FCSK: variants seen among roughly 807,000 people sequenced by gnomAD.
FCSK encodes the protein fucose kinase.
In FCSK, 123 loss-of-function variants were observed where a neutral mutation model predicts 122.5. The observed-to-expected ratio is 1.00, with a 90% CI of 0.87 to 1.17. The LOEUF (loss-of-function observed/expected upper bound fraction) is 1.17. FCSK is among the 50% of genes most tolerant of loss of function. The pLI is 0.00. For synonymous variants in FCSK, 620 were observed against 625.5 expected, an observed-to-expected ratio of 0.99 and a Z score of 0.13; for missense variants, 1,366 against 1,450.4, an observed-to-expected ratio of 0.94 and a Z score of 0.95.
rs1187803372 is a variant in FCSK at position 70,475,393 on chromosome 16, T to C, written c.2421T>C (p.His807=). ...CCTTCATCTGTGCAGGGATCGTGCATGTCCACTCGGAACTCCAGCTGAGTG... is the reference window on the plus strand; with the variant it reads ...CCTTCATCTGTGCAGGGATCGTGCACGTCCACTCGGAACTCCAGCTGAGTG... The part of the protein sequence containing the change: ...KAAFICAGIV[H]VHSELQLSEQ... Residue 807 remains histidine (H), a synonymous_variant, in exon 19 of 24, where the codon CAT becomes CAC. Coordinates refer to ENST00000288078, the MANE Select transcript of FCSK (RefSeq NM_145059.3). 2.5e-6 allele frequency: 4 copies of C among 1,610,702 alleles called. No individual in the cohort carries two copies. Among genetic ancestry groups the C allele is most frequent in the Non-Finnish European group, 3.4e-6 (4 of 1,179,822 alleles).
intron 13 of FCSK, 74 bp from the exon 14 acceptor site, chr16:70,472,467 T>G (rs889448566): frequency 2.0e-5 from 24 of 1,222,308 alleles, no homozygotes; most frequent in Admixed American, 1.3e-4. Context: ...GAGCAGCTCC[T>G]GGCCCCCTGG....
rs778338144 is a variant in FCSK at position 70,479,249 on chromosome 16, G to A, written c.2999G>A (p.Cys1000Tyr). Reference sequence around the variant, plus strand: ...CAGAAGAAGCTCATGGCTCCAGGCTGTGAGCCCCTGACTGTGCGGCGTATG... The same window carrying A: ...CAGAAGAAGCTCATGGCTCCAGGCTATGAGCCCCTGACTGTGCGGCGTATG... ...WEQKKLMAPGCEPLTVRRMMD... is the reference protein window; with the variant it reads ...WEQKKLMAPGYEPLTVRRMMD... The change falls in exon 23 of 24, where the codon TGT (cysteine) becomes TAT (tyrosine). Residue 1000 changes from cysteine (C) to tyrosine (Y), a missense_variant. By Grantham distance (194) the Cys-to-Tyr change is radical. Transcript: ENST00000288078. 3 of 1,613,930 alleles carry A rather than the reference G, an allele frequency of 1.9e-6. No homozygotes were observed. Among genetic ancestry groups the A allele is most frequent in the Non-Finnish European group, 8.5e-7 (1 of 1,180,044 alleles).
Position 70,479,627 on chromosome 16 carries a change from C to A in FCSK, c.3202C>A (p.Leu1068Met). The change falls in exon 24 of 24, where the codon CTG (leucine) becomes ATG (methionine). Residue 1068 changes from leucine to methionine, a missense_variant. Coordinates refer to ENST00000288078, the MANE Select transcript of FCSK (RefSeq NM_145059.3). ...IHLVEVDTQG[L>M]SLKLLGTEAS... is the part of the protein sequence containing the mutation. ...CCTGGTTGAAGTGGACACTCAGGGC[C>A]TGAGCCTGAAGCTGCTGGGGACCGA... The A allele has an allele frequency of 1.2e-6, 2 of 1,614,156 alleles. No individual in the cohort carries two copies. Among genetic ancestry groups the A allele is most frequent in the Non-Finnish European group, 8.5e-7 (1 of 1,180,010 alleles).
chr16:70,469,796 G>A (rs2048551480), intron 10 of FCSK, among the ~76,000 whole-genome samples: 1 of 151,558 alleles, frequency 6.6e-6, no homozygotes, highest in South Asian at 2.1e-4. Context: ...GCCTCCCGAA[G>A]TGCTGGGCTT....
intron 20 of FCSK, chr16:70,476,220 G>T (rs919272933): frequency 2.0e-5 from 3 of 152,332 alleles, no homozygotes; most frequent in African/African-American, 7.3e-5. Flanking sequence ...AGCCAGGATG[G>T]TCTCGATCTC....
chr16:70,469,992 G>A (rs1052118852), intron 10 of FCSK, among the ~76,000 whole-genome samples: 1 of 151,914 alleles, frequency 6.6e-6, no homozygotes, highest in Non-Finnish European at 1.5e-5. Context: ...TTACAGGTGC[G>A]TGGCACCATG....
chr16:70,478,201 C>A, intron 20 of FCSK, 71 bp from the exon 21 acceptor site: 1 of 1,520,216 alleles, frequency 6.6e-7, no homozygotes, highest in Non-Finnish European at 9.0e-7. Flanking sequence ...GGGTGCAGGG[C>A]CGGGAGCCTA....
chr16:70,473,167 G>T lies in FCSK; in HGVS notation c.1591G>T (p.Glu531Ter). The T allele has an allele frequency of 1.3e-6, 2 of 1,544,656 alleles. No homozygotes were observed. Among genetic ancestry groups the T allele is most frequent in the Non-Finnish European group, 1.7e-6 (2 of 1,148,082 alleles). Residue 531 changes from glutamate (E) to a stop codon, truncating the protein, a stop_gained, in exon 15 of 24, where the codon GAG becomes TAG. Transcript: ENST00000288078. LOFTEE classifies it high-confidence loss of function. This position sits in a 1 kb window ranked among gnomAD's most constrained non-coding sequence, Gnocchi z 4.9. ...AWRASWRLSW[E>*]QLQPCLDRAA... The stretch of plus-strand genomic sequence containing the variant: ...GCGGGCCTCCTGGCGCCTGTCCTGG[G>T]AGCAGCTGCAGCCGTGCCTGGATCG...
rs772327700 is a variant in FCSK, at chr16:70,475,374, T to C, written c.2402T>C (p.Ile801Thr). ...GGGGCCCTGCTGAAGGCGGCCTTCA[T>C]CTGTGCAGGGATCGTGCATGTCCAC... ...APGALLKAAF[I>T]CAGIVHVHSE... The change falls in exon 19 of 24, where the codon ATC (isoleucine) becomes ACC (threonine). Residue 801 changes from isoleucine (I) to threonine (T), a missense_variant. By Grantham distance (89) the Ile-to-Thr change is moderately conservative (BLOSUM62 -1). Coordinates refer to ENST00000288078, the MANE Select transcript of FCSK (RefSeq NM_145059.3). 2 of 1,610,872 alleles carry C rather than the reference T, an allele frequency of 1.2e-6. No individual in the cohort carries two copies. Among genetic ancestry groups the C allele is most frequent in the Admixed American group, 3.3e-5 (2 of 60,020 alleles).
In FCSK at chr16:70,474,202, G is replaced by C. The variant is rs1306709064; in HGVS notation, c.1851G>C (p.Met617Ile). Residue 617 changes from methionine (M) to isoleucine (I), a missense_variant, in exon 16 of 24, where the codon ATG becomes ATC. Met to Ile is a conservative substitution (Grantham distance 10, BLOSUM62 1). Coordinates refer to ENST00000288078, the MANE Select transcript of FCSK (RefSeq NM_145059.3). ...LACVADVLGC[M>I]AEGRGGLRSG... ...GTGTGGCGGACGTCCTGGGCTGCATGGCAGAGGGCCGTGGGGGCTTGCGGA... is the reference window on the plus strand; with the variant it reads ...GTGTGGCGGACGTCCTGGGCTGCATCGCAGAGGGCCGTGGGGGCTTGCGGA... 6.3e-7 allele frequency: 1 copy of C among 1,582,338 alleles called. No individual in the cohort carries two copies. The highest frequency in any genetic ancestry group is 8.6e-7 in the Non-Finnish European group (1 of 1,165,098).
Position 70,466,221 on chromosome 16 carries a change from C to T in FCSK, c.375C>T (p.Cys125=), listed in dbSNP as rs1243902019. 1.2e-6 allele frequency: 2 copies of T among 1,613,972 alleles called. No individual in the cohort carries two copies. Among genetic ancestry groups the T allele is most frequent in the Non-Finnish European group, 1.7e-6 (2 of 1,179,904 alleles). ...AGGCCCCCGTGGAAGCCTTGGTCTGCAACCTGGACTGCCTGCTGGACATCA... is the reference window on the plus strand; with the variant it reads ...AGGCCCCCGTGGAAGCCTTGGTCTGTAACCTGGACTGCCTGCTGGACATCA... ...NPEAPVEALV[C]NLDCLLDIMT... is the part of the protein sequence containing the mutation. The change falls in exon 5 of 24, where the codon TGC becomes TGT. Residue 125 remains cysteine, a synonymous_variant. Coordinates refer to ENST00000288078, the MANE Select transcript of FCSK (RefSeq NM_145059.3).
chr16:70,475,110 G>C lies in FCSK; in HGVS notation c.2377+99G>C, dbSNP rs1157531146. ...CCAGTGGGGTCTGGCCTGAGGGCCA[G>C]CCAGTCTGGCTGAGGAGCCTGAAGG... On this transcript the variant is annotated intron_variant, in intron 18 of 23. Coordinates refer to ENST00000288078, the MANE Select transcript of FCSK (RefSeq NM_145059.3). 5.0e-6 allele frequency: 6 copies of C among 1,192,086 alleles called. No homozygotes were observed. In the African/African-American group the frequency reaches 9.1e-5, roughly 18 times the overall value. 73.8% of individuals were successfully genotyped at this position (1,192,086 alleles called of 1,614,324 possible).
At chr16:70,465,014 C>G (rs759260175) in intron 3 of FCSK, 112 bp from the exon 4 acceptor site, 1 of 1,558,800 alleles carries the variant, frequency 6.4e-7, no homozygotes. Context: ...TGCCTTTTGT[C>G]CCTTGGGTAC....
chr16:70,476,464 C>T (rs2048821276), intron 20 of FCSK: 2 of 152,418 alleles, frequency 1.3e-5, no homozygotes, highest in African/African-American at 4.8e-5. Context: ...CCCCCGCCCC[C>T]ACCCCCTGGC....
intron 10 of FCSK, 120 bp downstream of exon 10, chr16:70,469,443 T>C: frequency 1.1e-6 from 1 of 925,826 alleles, no homozygotes; most frequent in Non-Finnish European, 1.6e-6. Context: ...GCAGTTCTCC[T>C]GTCCTGTGCC....
At chr16:70,463,012 G>C (rs2048315788) in intron 1 of FCSK, among the ~76,000 whole-genome samples, 157 bp from the exon 2 acceptor site, 2 of 152,216 alleles carry the variant, frequency 1.3e-5, no homozygotes, top group African/African-American at 4.8e-5. Flanking sequence ...GCGTAGGCGG[G>C]GAGGAGAGGT....
intron 22 of FCSK, 182 bp from the exon 23 acceptor site, chr16:70,478,998 T>G (rs2048910665): frequency 1.5e-6 from 1 of 651,064 alleles, no homozygotes; most frequent in Middle Eastern, 3.7e-4. Context: ...GTTGGTTGCT[T>G]CCTGCACATT....
intron 20 of FCSK, chr16:70,477,973 G>A (rs1384359640): frequency 1.1e-5 from 4 of 356,100 alleles, no homozygotes; most frequent in Admixed American, 4.4e-5. Flanking sequence ...GTGTGCCACC[G>A]TGCCCGGCCA....
At position 70,473,198 on chromosome 16, in the gene FCSK, C is replaced by A. The variant is rs925684095; in HGVS notation, c.1622C>A (p.Ala541Asp). ...CTGCAGCCGTGCCTGGATCGGGCTG[C>A]CACGCTGGCCTCTCGCCGGGACCTG... is the stretch of plus-strand genomic sequence containing the variant. The part of the protein sequence containing the change: ...EQLQPCLDRA[A>D]TLASRRDLFF... Residue 541 changes from alanine (A) to aspartate (D), a missense_variant, in exon 15 of 24, where the codon GCC (alanine) becomes GAC (aspartate). Physicochemically the swap from Ala to Asp is moderately radical, Grantham distance 126. Transcript: ENST00000288078. This position sits in a 1 kb window ranked among gnomAD's most constrained non-coding sequence, Gnocchi z 4.9. 2 of 1,538,026 alleles carry A rather than the reference C, an allele frequency of 1.3e-6. No individual in the cohort carries two copies. The highest frequency in any genetic ancestry group is 2.7e-5 in the African/African-American group (2 of 72,992).
Sources: allele counts gnomAD v4.1 joint callset (sites outside exome capture counted in the v4.1 genomes callset), GRCh38; gene constraint gnomAD v4.1.1; non-coding constraint Gnocchi (gnomAD v3.1); transcripts MANE v1.5; gene names NCBI Gene and HGNC (gene_info 2026-07-23, HGNC 2026-07-21).